Variants in CPXM1 observed in about 807,000 individuals in gnomAD.
CPXM1 encodes probable carboxypeptidase X1.
In CPXM1, 72 loss-of-function variants were observed where a neutral mutation model predicts 80.4. That is an observed-to-expected ratio of 0.90 (90% confidence interval 0.74 to 1.09). The LOEUF is 1.09. Ranked by LOEUF, CPXM1 falls within the 50% of genes least tolerant of loss-of-function variation. The pLI is 0.00. For missense variants in CPXM1, 892 were observed against 999.4 expected (o/e 0.89, Z 1.45); for synonymous variants, 403 against 405.6 (o/e 0.99, Z 0.08).
chr20:2,800,215 G>A (rs776327332), intron 1 of CPXM1, among the ~76,000 whole-genome samples, 186 bp downstream of exon 1: 1 of 151,584 alleles, frequency 6.6e-6, no homozygotes, highest in African/African-American at 2.4e-5. Context: ...GTGCGCGTGT[G>A]TGAATGTGTG....
chr20:2,797,957 G>A lies in CPXM1; in HGVS notation c.681+11C>T. The A allele has an allele frequency of 6.2e-7, 1 of 1,612,990 alleles. No individual in the cohort carries two copies. Among genetic ancestry groups the A allele is most frequent in the Non-Finnish European group, 8.5e-7 (1 of 1,179,078 alleles). On this transcript the variant is annotated intron_variant, in intron 5 of 13. Coordinates refer to ENST00000380605, the MANE Select transcript of CPXM1 (RefSeq NM_019609.5). Reference sequence around the variant, plus strand: ...CAGCATGGAGGCCCCAGCCACAGTGGGACCACTCACTGCGTCCATCCCACT... The same window carrying A: ...CAGCATGGAGGCCCCAGCCACAGTGAGACCACTCACTGCGTCCATCCCACT...
rs372906016 is a variant in CPXM1 at position 2,794,546 on chromosome 20, C to T, written c.1954G>A (p.Val652Met). The stretch of plus-strand genomic sequence containing the variant: ...TCCCGGTCAAACACACCCGTGGTCA[C>T]GTCATGGTTAATCCCATCCACGGCA... ...VIAVDGINHD[V>M]TTAWGGDYWR... Residue 652 changes from valine (V) to methionine (M), a missense_variant, in exon 13 of 14, where the codon GTG becomes ATG. Coordinates refer to ENST00000380605, the MANE Select transcript of CPXM1 (RefSeq NM_019609.5). This position sits in a 1 kb window ranked among gnomAD's most constrained non-coding sequence, Gnocchi z 5.2. 6 of 1,614,000 alleles carry T rather than the reference C, an allele frequency of 3.7e-6. No homozygotes were observed. Among genetic ancestry groups the T allele is most frequent in the African/African-American group, 1.3e-5 (1 of 75,052 alleles).
At position 2,798,049 on chromosome 20, in the gene CPXM1, C is replaced by T. The variant is rs760884321; in HGVS notation, c.600G>A (p.Trp200Ter). The T allele has an allele frequency of 3.1e-6, 5 of 1,614,152 alleles. No homozygotes were observed. In the Admixed American group the frequency reaches 8.3e-5, roughly 27 times the overall value. Residue 200 changes from tryptophan to a stop codon, truncating the protein, a stop_gained, in exon 5 of 14, where the codon TGG (tryptophan) becomes TGA (stop). Coordinates refer to ENST00000380605, the MANE Select transcript of CPXM1 (RefSeq NM_019609.5). LOFTEE classifies it high-confidence loss of function. ...TGAACTGGACCTTGTATGATGTGAC[C>T]CAGTCATACCTGGCAGGAGAGGTGG... ...QGRNSVWRYD[W>*]VTSYKVQFSN...
rs765950367 is a variant in CPXM1, at chr20:2,794,637, C to T, written c.1863G>A (p.Val621=). The T allele has an allele frequency of 1.2e-6, 2 of 1,608,730 alleles. No homozygotes were observed. Among genetic ancestry groups the T allele is most frequent in the South Asian group, 1.1e-5 (1 of 91,038 alleles). ...TCACCACTCCTGCAATGCCCATGCG[C>T]ACCTGTGTGGGAAGAGGTTATCAGA... is the stretch of plus-strand genomic sequence containing the variant. ...KDALLTYLEQ[V]RMGIAGVVRD... is the part of the protein sequence containing the mutation. Residue 621 remains valine, a splice_region_variant and synonymous_variant, in exon 13 of 14, where the codon GTG becomes GTA. Transcript: ENST00000380605. This position sits in a 1 kb window ranked among gnomAD's most constrained non-coding sequence, Gnocchi z 5.2.
intron 6 of CPXM1, 30 bp downstream of exon 6, chr20:2,797,162 T>C (rs1568601761): frequency 6.2e-7 from 1 of 1,609,804 alleles, no homozygotes; most frequent in South Asian, 1.1e-5. Flanking sequence ...ATCCAAGCCC[T>C]GCCCAACCAA....
At position 2,796,259 on chromosome 20, in the gene CPXM1, G is replaced by T. The variant is rs564339698; in HGVS notation, c.1230C>A (p.Ile410=). ...LPSMNPDGYE[I]AYHRGSELVG... ...CTGGGTGGCCTACCCGGTGGTAGGC[G>T]ATCTCATAGCCATCAGGGTTCATGG... Residue 410 remains isoleucine, a synonymous_variant, in exon 9 of 14, where the codon ATC becomes ATA. Coordinates refer to ENST00000380605, the MANE Select transcript of CPXM1 (RefSeq NM_019609.5). The surrounding 1 kb of genome is among the most constrained non-coding windows in gnomAD (Gnocchi z 6.8). 12 of 1,613,598 alleles carry T rather than the reference G, an allele frequency of 7.4e-6. No homozygotes were observed. Among genetic ancestry groups the T allele is most frequent in the Middle Eastern group, 1.7e-4 (1 of 6,060 alleles).
Position 2,794,448 on chromosome 20 carries a change from G to C in CPXM1, c.1964-17C>G. 6.2e-7 allele frequency: 1 copy of C among 1,613,408 alleles called. No homozygotes were observed. On this transcript the variant is annotated splice_polypyrimidine_tract_variant and intron_variant, in intron 13 of 13. Coordinates refer to ENST00000380605, the MANE Select transcript of CPXM1 (RefSeq NM_019609.5). The surrounding 1 kb of genome is among the most constrained non-coding windows in gnomAD (Gnocchi z 5.2). Reference sequence around the variant, plus strand: ...CGCCCCACGCTGAGGAGAGTGAAGGGCACGATCAGGACCCAATTAATGATC... The same window carrying C: ...CGCCCCACGCTGAGGAGAGTGAAGGCCACGATCAGGACCCAATTAATGATC...
In CPXM1 at chr20:2,798,883, T is replaced by C; in HGVS notation, c.183A>G (p.Glu61=). The C allele has an allele frequency of 6.2e-7, 1 of 1,613,880 alleles. No individual in the cohort carries two copies. Among genetic ancestry groups the C allele is most frequent in the African/African-American group, 1.3e-5 (1 of 74,990 alleles). The change falls in exon 2 of 14, where the codon GAA becomes GAG. Residue 61 remains glutamate, a synonymous_variant. Transcript: ENST00000380605. ...PPAETANGTS[E]QHVRIRVIKK... ...TGATGACTCGAATCCGGACATGCTG[T>C]TCTGAGGTCCCTTGGGGTCCGAGAG...
In CPXM1 at chr20:2,796,861, G is replaced by A. The variant is rs2088515475; in HGVS notation, c.921+145C>T. Reference sequence around the variant, plus strand: ...AAGGGAAAGTGGGATGGAGCTTAGGGGTCCACAGGAGAGAAGGCTGAGACA... The same window carrying A: ...AAGGGAAAGTGGGATGGAGCTTAGGAGTCCACAGGAGAGAAGGCTGAGACA... On this transcript the variant is annotated intron_variant, in intron 7 of 13. Transcript: ENST00000380605. The surrounding 1 kb of genome is among the most constrained non-coding windows in gnomAD (Gnocchi z 6.8). 1 of 974,968 alleles carries A rather than the reference G, an allele frequency of 1.0e-6. No homozygotes were observed. The highest frequency in any genetic ancestry group is 1.5e-5 in the South Asian group (1 of 65,496). 60.4% of individuals were successfully genotyped at this position (974,968 alleles called of 1,614,324 possible). A position where few individuals can be genotyped will look rare whatever the true frequency, so the allele number is the denominator to read the frequency against.
chr20:2,798,832 C>T lies in CPXM1; in HGVS notation c.234G>A (p.Lys78=), dbSNP rs150318767. 4.5e-4 allele frequency: 731 copies of T among 1,613,946 alleles called. 1 individual carries two copies. The highest frequency in any genetic ancestry group is 5.7e-4 in the Non-Finnish European group (671 of 1,179,994). ...GGCGAGTTAGAGTTAGCTTCTTCCG[C>T]TTCTTCATAATGACCTTTTTCTTCT... ...VIKKKKVIMK[K]RKKLTLTRPT... Residue 78 remains lysine (K), a synonymous_variant, in exon 2 of 14, where the codon AAG becomes AAA. Transcript: ENST00000380605.
rs2088528285 is a variant in CPXM1 at position 2,798,059 on chromosome 20, C to T, written c.591-1G>A. 1.2e-6 allele frequency: 2 copies of T among 1,614,036 alleles called. No homozygotes were observed. Among genetic ancestry groups the T allele is most frequent in the African/African-American group, 2.7e-5 (2 of 74,918 alleles). On this transcript the variant is annotated splice_acceptor_variant, in intron 4 of 13. Transcript: ENST00000380605. LOFTEE classifies it high-confidence loss of function. Reference sequence around the variant, plus strand: ...CTTGTATGATGTGACCCAGTCATACCTGGCAGGAGAGGTGGAGAGAGATCA... The same window carrying T: ...CTTGTATGATGTGACCCAGTCATACTTGGCAGGAGAGGTGGAGAGAGATCA...
chr20:2,795,246 G>A lies in CPXM1; in HGVS notation c.1860+31C>T, dbSNP rs6051398. 4.4e-6 allele frequency: 7 copies of A among 1,606,802 alleles called. No individual in the cohort carries two copies. Among genetic ancestry groups the A allele is most frequent in the Non-Finnish European group, 6.0e-6 (7 of 1,176,218 alleles). ...CTAAATGGACAGCAGGAGTGATTCA[G>A]GCAGGCTGGGGGCCGGGACGCAGAT... On this transcript the variant is annotated intron_variant, in intron 12 of 13. Coordinates refer to ENST00000380605, the MANE Select transcript of CPXM1 (RefSeq NM_019609.5). This position sits in a 1 kb window ranked among gnomAD's most constrained non-coding sequence, Gnocchi z 5.4.
chr20:2,798,529 G>C lies in CPXM1; in HGVS notation c.349C>G (p.Pro117Ala). The C allele has an allele frequency of 6.2e-7, 1 of 1,613,960 alleles. No homozygotes were observed. Among genetic ancestry groups the C allele is most frequent in the South Asian group, 1.1e-5 (1 of 91,072 alleles). The change falls in exon 3 of 14, where the codon CCT becomes GCT. Residue 117 changes from proline (P) to alanine (A), a missense_variant. Transcript: ENST00000380605. ...PAEKQETGCP[P>A]LGLESLRVSD... ...ACTCGCAGGGACTCCAGACCCAAAG[G>C]AGGACAGCCTGGGGCGGGGATAGAA...
At position 2,796,360 on chromosome 20, in the gene CPXM1, G is replaced by C. The variant is rs2088508757; in HGVS notation, c.1129C>G (p.Leu377Val). Residue 377 changes from leucine (L) to valine (V), a missense_variant, in exon 9 of 14, where the codon CTG becomes GTG. This residue lies in a region of CPXM1 where 874 missense variants were observed against 958.4 expected (regional missense o/e 0.91). Coordinates refer to ENST00000380605, the MANE Select transcript of CPXM1 (RefSeq NM_019609.5). The surrounding 1 kb of genome is among the most constrained non-coding windows in gnomAD (Gnocchi z 6.8). ...RELLLLLMQFLCHEFLRGNPR... is the reference protein window; with the variant it reads ...RELLLLLMQFVCHEFLRGNPR... The stretch of plus-strand genomic sequence containing the variant: ...TTCCCTCGCAGGAACTCATGGCACA[G>C]GAACTGCATCAGGAGCAGAAGCAAC... The C allele has an allele frequency of 1.2e-6, 2 of 1,614,128 alleles. No homozygotes were observed. Among genetic ancestry groups the C allele is most frequent in the Non-Finnish European group, 1.7e-6 (2 of 1,180,008 alleles).
In CPXM1 at chr20:2,796,820, G is replaced by T. The variant is rs765702872; in HGVS notation, c.922-170C>A. Among the ~76,000 whole-genome samples the T allele has an allele frequency of 1.3e-4, 19 of 151,888 alleles. No individual in the cohort carries two copies. The highest frequency in any genetic ancestry group is 3.9e-4 in the East Asian group (2 of 5,158). On this transcript the variant is annotated intron_variant, in intron 7 of 13. Coordinates refer to ENST00000380605, the MANE Select transcript of CPXM1 (RefSeq NM_019609.5). The surrounding 1 kb of genome is among the most constrained non-coding windows in gnomAD (Gnocchi z 6.8). Reference sequence around the variant, plus strand: ...AGAGCCGGGAGGAAGGGGTAGGACTGGGGGGGCGCCATAATAAGGGAAAGT... The same window carrying T: ...AGAGCCGGGAGGAAGGGGTAGGACTTGGGGGGCGCCATAATAAGGGAAAGT...
intron 2 of CPXM1, 55 bp from the exon 3 acceptor site, chr20:2,798,592 G>T: frequency 1.3e-6 from 2 of 1,567,794 alleles, no homozygotes; most frequent in Non-Finnish European, 1.8e-6. Flanking sequence ...GCCAGGGCAG[G>T]TGGGAAGCTG....
At chr20:2,797,937 T>C (rs1188145500) in intron 5 of CPXM1, 31 bp downstream of exon 5, 9 of 1,600,476 alleles carry the variant, frequency 5.6e-6, no homozygotes, top group Non-Finnish European at 6.8e-6. Context: ...ACTCCCAGCA[T>C]GGAGGCCCCA....
Position 2,796,120 on chromosome 20 carries a change from G to A in CPXM1, c.1284C>T (p.Asn428=). The stretch of plus-strand genomic sequence containing the variant: ...AATTATGGTTAAGATCGATGCTCTG[G>A]TTGTTCCAGCGGCCCTCGGCCCAGC... ...LVGWAEGRWN[N]QSIDLNHNFA... The change falls in exon 10 of 14, where the codon AAC becomes AAT. Residue 428 remains asparagine, a synonymous_variant. Transcript: ENST00000380605. The surrounding 1 kb of genome is among the most constrained non-coding windows in gnomAD (Gnocchi z 6.8). 1 of 1,613,622 alleles carries A rather than the reference G, an allele frequency of 6.2e-7. No homozygotes were observed. The highest frequency in any genetic ancestry group is 1.1e-5 in the South Asian group (1 of 90,992).
intron 1 of CPXM1, 132 bp downstream of exon 1, chr20:2,800,268 CG>C (rs2088556317): frequency 1.3e-6 from 1 of 783,002 alleles, no homozygotes; most frequent in Non-Finnish European, 1.9e-6. Context: ...AGTGTGCGTG[CG>C]GGGTGAGTGT....
Sources: gnomAD v4.1 joint callset for allele counts (sites outside exome capture counted in the v4.1 genomes callset) on GRCh38, gnomAD v4.1.1 for gene constraint, gnomAD v4.1.1 regional missense constraint, Gnocchi (gnomAD v3.1) non-coding constraint, MANE v1.5 for transcripts, NCBI Gene and HGNC (gene_info 2026-07-23, HGNC 2026-07-21) for gene names.